MROH6: variants seen among roughly 807,000 people sequenced by gnomAD.
MROH6 encodes the protein maestro heat like repeat family member 6.
A neutral mutation model predicts 67.7 loss-of-function variants in MROH6; 62 were observed. That is an observed-to-expected ratio of 0.92 (90% CI 0.75 to 1.13). The LOEUF (loss-of-function observed/expected upper bound fraction) is 1.13, where lower values mean the gene tolerates loss of function less well. Ranked by LOEUF, MROH6 falls within the 50% of genes most tolerant of loss-of-function variation. The probability of loss-of-function intolerance (pLI) is 0.00; values close to 1 mark genes in which losing one functional copy is unlikely to be tolerated. For synonymous variants in MROH6, 566 were observed against 470.8 expected, an observed-to-expected ratio of 1.20 and a Z score of -2.62; for missense variants, 1,175 against 1,029.1, an observed-to-expected ratio of 1.14 and a Z score of -1.94.
intron 6 of MROH6, 23 bp from the exon 7 acceptor site, chr8:143,570,088 C>T: frequency 6.2e-7 from 1 of 1,602,350 alleles, no homozygotes; most frequent in South Asian, 1.1e-5. Flanking sequence ...GAAATGGGAG[C>T]TCTCGCTCCG....
Position 143,568,127 on chromosome 8 carries a change from G to A in MROH6, c.1764+15C>T, listed in dbSNP as rs1387864695. On this transcript the variant is annotated intron_variant, in intron 11 of 13. Transcript: ENST00000398882. ...GATCATACCCCCTTGCGGTCACCTTGCTTCCCCTACTGACCAGGCGGCAGC... is the reference window on the plus strand; with the variant it reads ...GATCATACCCCCTTGCGGTCACCTTACTTCCCCTACTGACCAGGCGGCAGC... 3 of 1,593,336 alleles carry A rather than the reference G, an allele frequency of 1.9e-6. No homozygotes were observed. The highest frequency in any genetic ancestry group is 2.6e-6 in the Non-Finnish European group (3 of 1,170,428).
At chr8:143,568,076 G>C in intron 11 of MROH6, 66 bp downstream of exon 11, 3 of 1,535,658 alleles carry the variant, frequency 2.0e-6, no homozygotes, top group Admixed American at 4.0e-5. Flanking sequence ...GGGGGCCCCG[G>C]TGAACCCTGG....
At chr8:143,568,508 G>C (rs1366595609) in intron 10 of MROH6, 44 bp downstream of exon 10, 1 of 1,486,568 alleles carries the variant, frequency 6.7e-7, no homozygotes, top group Non-Finnish European at 8.9e-7. Flanking sequence ...GGAGTGGTGA[G>C]TGTTGGATGG....
At position 143,569,503 on chromosome 8, in the gene MROH6, G is replaced by C; in HGVS notation, c.1414C>G (p.Arg472Gly). ...GALRRLLLRP[R>G]APVRLLSAEL... ...GCGCTCAGGAGCCGCACAGGCGCCC[G>C]GGGCCGCAGCAGGAGCCTCCTCAGG... The change falls in exon 9 of 14, where the codon CGG becomes GGG. Residue 472 changes from arginine (R) to glycine (G), a missense_variant. By Grantham distance (125) the Arg-to-Gly change is moderately radical. Transcript: ENST00000398882. 6.7e-7 allele frequency: 1 copy of C among 1,487,014 alleles called. No individual in the cohort carries two copies. The allele number at this position is 1,487,014 out of a possible 1,614,324, so 92.1% of individuals were successfully genotyped here.
chr8:143,570,223 C>CCCCTCCTCACCCTCCTCACCCTCCTCA lies in MROH6; in HGVS notation c.1043+19_1043+20insTGAGGAGGGTGAGGAGGGTGAGGAGGG, dbSNP rs11280720. Reference sequence around the variant, plus strand: ...CTCTTCCTGGTGTGACACCCTGGGGCCCCTCCTCACCCTCCTCACCTGGCC... The same window carrying CCCCTCCTCACCCTCCTCACCCTCCTCA: ...CTCTTCCTGGTGTGACACCCTGGGGCCCCTCCTCACCCTCCTCACCCTCCTCACCCTCCTCACCCTCCTCACCTGGCC... On this transcript the variant is annotated intron_variant, in intron 6 of 13. Transcript: ENST00000398882. 5.8e-6 allele frequency: 9 copies of CCCCTCCTCACCCTCCTCACCCTCCTCA among 1,552,714 alleles called. No homozygotes were observed. In the African/African-American group the frequency reaches 8.1e-5, roughly 14 times the overall value.
rs1479801078 is a variant in MROH6, at chr8:143,572,726, C to T, written c.-12G>A. 2.1e-6 allele frequency: 3 copies of T among 1,460,598 alleles called. No individual in the cohort carries two copies. Among genetic ancestry groups the T allele is most frequent in the East Asian group, 2.5e-5 (1 of 40,268 alleles). 90.5% of individuals were successfully genotyped at this position (1,460,598 alleles called of 1,614,324 possible). A position where few individuals can be genotyped will look rare whatever the true frequency, so the allele number is the denominator to read the frequency against. Reference sequence around the variant, plus strand: ...ACACCCCCAGCCATGGCGGCCCTTGCCTGCAGCACCTGCCGCTGCTCCTCC... The same window carrying T: ...ACACCCCCAGCCATGGCGGCCCTTGTCTGCAGCACCTGCCGCTGCTCCTCC... On this transcript the variant is annotated 5_prime_UTR_variant, in exon 1 of 14. Coordinates refer to ENST00000398882, the MANE Select transcript of MROH6 (RefSeq NM_001100878.2).
In MROH6 at chr8:143,570,945, C is replaced by T. The variant is rs1388808682; in HGVS notation, c.652G>A (p.Gly218Arg). The T allele has an allele frequency of 6.5e-7, 1 of 1,549,268 alleles. No homozygotes were observed. The highest frequency in any genetic ancestry group is 8.7e-7 in the Non-Finnish European group (1 of 1,146,932). ...CACAGCAGTTGCACCAGCACCTGCCCATTTACACGCTGGTTACGGCTTAGG... is the reference window on the plus strand; with the variant it reads ...CACAGCAGTTGCACCAGCACCTGCCTATTTACACGCTGGTTACGGCTTAGG... ...RSLSRNQRVNGQVLVQLLWAL... is the reference protein window; with the variant it reads ...RSLSRNQRVNRQVLVQLLWAL... The change falls in exon 4 of 14, where the codon GGG becomes AGG. Residue 218 changes from glycine (G) to arginine (R), a missense_variant. By Grantham distance (125) the Gly-to-Arg change is moderately radical. Coordinates refer to ENST00000398882, the MANE Select transcript of MROH6 (RefSeq NM_001100878.2).
chr8:143,570,087 G>A (rs1823920074), intron 6 of MROH6, 22 bp from the exon 7 acceptor site: 3 of 1,602,748 alleles, frequency 1.9e-6, no homozygotes, highest in Non-Finnish European at 2.6e-6. Context: ...GGAAATGGGA[G>A]CTCTCGCTCC....
rs1215519053 is a variant in MROH6, at chr8:143,570,806, G to A, written c.720+71C>T. 4 of 1,424,094 alleles carry A rather than the reference G, an allele frequency of 2.8e-6. No individual in the cohort carries two copies. The African/African-American group carries it at 5.7e-5, about 20-fold the overall frequency. 88.2% of individuals were successfully genotyped at this position (1,424,094 alleles called of 1,614,324 possible). A position where few individuals can be genotyped will look rare whatever the true frequency, so the allele number is the denominator to read the frequency against. On this transcript the variant is annotated intron_variant, in intron 4 of 13. Coordinates refer to ENST00000398882, the MANE Select transcript of MROH6 (RefSeq NM_001100878.2). ...AGTTACCTAGGTGCAAACTCCCTAT[G>A]CCCATCCTCCCCGCTCCTCGCCACC... is the stretch of plus-strand genomic sequence containing the variant.
Position 143,567,906 on chromosome 8 carries a change from A to C in MROH6, c.1765-18T>G, listed in dbSNP as rs1464398364. 3 of 1,517,566 alleles carry C rather than the reference A, an allele frequency of 2.0e-6. No homozygotes were observed. In the Admixed American group the frequency reaches 6.7e-5, roughly 34 times the overall value. 94.0% of individuals were successfully genotyped at this position (1,517,566 alleles called of 1,614,324 possible). A position where few individuals can be genotyped will look rare whatever the true frequency, so the allele number is the denominator to read the frequency against. Reference sequence around the variant, plus strand: ...CGCTGAACCTGGGGACAAAAGGGCTAGTGGCAGGACAGGAGGGCTGATCCT... The same window carrying C: ...CGCTGAACCTGGGGACAAAAGGGCTCGTGGCAGGACAGGAGGGCTGATCCT... On this transcript the variant is annotated intron_variant, in intron 11 of 13. Coordinates refer to ENST00000398882, the MANE Select transcript of MROH6 (RefSeq NM_001100878.2).
At position 143,570,318 on chromosome 8, in the gene MROH6, C is replaced by T; in HGVS notation, c.968G>A (p.Cys323Tyr). The T allele has an allele frequency of 6.2e-7, 1 of 1,609,698 alleles. No individual in the cohort carries two copies. Among genetic ancestry groups the T allele is most frequent in the Non-Finnish European group, 8.5e-7 (1 of 1,179,646 alleles). ...TGDGGRMVVT[C>Y]MEQAGGWRRL... Reference sequence around the variant, plus strand: ...CCTCCAGCCTCCTGCCTGCTCCATGCACGTGACCACCATGCGGCCTCCATC... The same window carrying T: ...CCTCCAGCCTCCTGCCTGCTCCATGTACGTGACCACCATGCGGCCTCCATC... The change falls in exon 6 of 14, where the codon TGC becomes TAC. Residue 323 changes from cysteine (C) to tyrosine (Y), a missense_variant. Transcript: ENST00000398882.
chr8:143,569,895 A>T (rs962279253), intron 7 of MROH6, 55 bp from the exon 8 acceptor site: 10 of 1,610,546 alleles, frequency 6.2e-6, no homozygotes, highest in Non-Finnish European at 7.6e-6. Flanking sequence ...GGCCGCTGCG[A>T]TTCAGGGATC....
chr8:143,571,311 T>A (rs1824023159), intron 3 of MROH6, among the ~76,000 whole-genome samples: 1 of 151,936 alleles, frequency 6.6e-6, no homozygotes, highest in Admixed American at 6.6e-5. Context: ...CAAAGATAAC[T>A]TCTGGGGCCA....
Position 143,568,591 on chromosome 8 carries a change from C to G in MROH6, c.1605G>C (p.Leu535=), listed in dbSNP as rs756456844. The change falls in exon 10 of 14, where the codon CTG becomes CTC. Residue 535 remains leucine, a synonymous_variant. Coordinates refer to ENST00000398882, the MANE Select transcript of MROH6 (RefSeq NM_001100878.2). ...RKLVLQSLVP[L]LLRLHDPSRD... ...TGCTGGGGTCATGCAGGCGCAGCAG[C>G]AGCGGCACGAGACTCTGCAGCACCA... 6.5e-7 allele frequency: 1 copy of G among 1,547,116 alleles called. No homozygotes were observed. Among genetic ancestry groups the G allele is most frequent in the Non-Finnish European group, 8.7e-7 (1 of 1,153,434 alleles).
At chr8:143,570,756 G>A in intron 4 of MROH6, 99 bp from the exon 5 acceptor site, 1 of 1,435,796 alleles carries the variant, frequency 7.0e-7, no homozygotes, top group Middle Eastern at 1.8e-4. Context: ...GACAGCCTCA[G>A]ACACGCATGG....
intron 13 of MROH6, 61 bp downstream of exon 13, chr8:143,567,550 A>G: frequency 6.7e-7 from 1 of 1,500,880 alleles, no homozygotes; most frequent in Non-Finnish European, 8.9e-7. Flanking sequence ...GCTCCCGTCC[A>G]CTCCGCCCTA....
chr8:143,567,216 CCCTCGGGCCCCAGCCCCGAG>C lies in MROH6; in HGVS notation c.*3_*22del, dbSNP rs920021138. The C allele has an allele frequency of 5.5e-5, 66 of 1,201,402 alleles. No homozygotes were observed. The highest frequency in any genetic ancestry group is 3.2e-4 in the Middle Eastern group (1 of 3,134). 74.4% of individuals were successfully genotyped at this position (1,201,402 alleles called of 1,614,324 possible). On this transcript the variant is annotated 3_prime_UTR_variant, in exon 14 of 14. Transcript: ENST00000398882. ...GTGGGGTGCCCGAGTCGGACCCTGG[CCCTCGGGCCCCAGCCCCGAG>C]CCTCAGGCTCGGCGGGGTCCGGAGC... is the stretch of plus-strand genomic sequence containing the variant.
intron 2 of MROH6, 62 bp from the exon 3 acceptor site, chr8:143,571,883 C>T (rs1824066144): frequency 2.0e-6 from 3 of 1,504,388 alleles, no homozygotes; most frequent in Middle Eastern, 1.8e-4. Context: ...TCCCCTCTGG[C>T]CTGCACCCCA....
At position 143,569,776 on chromosome 8, in the gene MROH6, G is replaced by T. The variant is rs751174337; in HGVS notation, c.1223C>A (p.Thr408Asn). ...REEVILERLL[T>N]WQGDPEPTVR... ...AGTGGGTTCGGGGTCTCCCTGCCAG[G>T]TGAGGAGTCGCTCCAGGATGACCTC... Residue 408 changes from threonine (T) to asparagine (N), a missense_variant, in exon 8 of 14, where the codon ACC (threonine) becomes AAC (asparagine). Physicochemically the swap from Thr to Asn is moderately conservative, Grantham distance 65. Transcript: ENST00000398882. 1 of 1,612,742 alleles carries T rather than the reference G, an allele frequency of 6.2e-7. No homozygotes were observed. Among genetic ancestry groups the T allele is most frequent in the African/African-American group, 1.3e-5 (1 of 74,924 alleles).
Sources: allele counts gnomAD v4.1 joint callset (sites outside exome capture counted in the v4.1 genomes callset), GRCh38; gene constraint gnomAD v4.1.1; transcripts MANE v1.5; gene names NCBI Gene and HGNC (gene_info 2026-07-23, HGNC 2026-07-21).